The following GTF2F2 variants were observed in gnomAD, a reference collection of about 807,000 sequenced individuals.
GTF2F2 encodes general transcription factor IIF subunit 2, also known as ATP-dependent helicase GTF2F2.
In GTF2F2, 23 loss-of-function variants were observed where a neutral mutation model predicts 42.2. The ratio of observed to expected loss-of-function variants is 0.55; its 90% confidence interval spans 0.39 to 0.77. The LOEUF (loss-of-function observed/expected upper bound fraction) is 0.77. Ranked by LOEUF, GTF2F2 falls within the 30% of genes least tolerant of loss-of-function variation. GTF2F2 has a pLI of 0.00. For missense variants in GTF2F2, 261 were observed against 287.2 expected (o/e 0.91, Z 0.66); for synonymous variants, 105 against 100.8 (o/e 1.04, Z -0.25).
intron 4 of GTF2F2, among the ~76,000 whole-genome samples, chr13:45,191,220 A>ATATAT (rs1555267754): frequency 2.1e-4 from 16 of 75,210 alleles, no homozygotes; most frequent in African/African-American, 1.8e-3. Context: ...AAATACAAAA[A>ATATAT]AAAAATATAT....
chr13:45,258,141 A>G (rs1415192072), intron 6 of GTF2F2, among the ~76,000 whole-genome samples: 4 of 152,142 alleles, frequency 2.6e-5, no homozygotes, highest in Non-Finnish European at 4.4e-5. Context: ...CCAAAAAGGA[A>G]ATTATCAGTA....
At position 45,267,210 on chromosome 13, in the gene GTF2F2, T is replaced by C. The variant is rs374976881; in HGVS notation, c.487-23T>C. 218 of 1,593,000 alleles carry C rather than the reference T, an allele frequency of 1.4e-4. No individual in the cohort carries two copies. The African/African-American group carries it at 2.5e-3, about 19-fold the overall frequency. ...TGAGCATGTTGAATTGATGCTTTTA[T>C]TTCCTTTGCTGTTTGCATATAGATC... On this transcript the variant is annotated intron_variant, in intron 6 of 7. Transcript: ENST00000340473.
intron 6 of GTF2F2, among the ~76,000 whole-genome samples, chr13:45,254,301 C>CTA (rs1040838492): frequency 5.3e-5 from 8 of 152,106 alleles, no homozygotes; most frequent in Non-Finnish European, 1.2e-4. Flanking sequence ...GAGTTTGGTA[C>CTA]TATCCACAAT....
intron 6 of GTF2F2, among the ~76,000 whole-genome samples, chr13:45,266,045 G>T (rs1012633825): frequency 6.6e-5 from 10 of 152,218 alleles, no homozygotes; most frequent in Non-Finnish European, 8.8e-5. Flanking sequence ...AGTAAAAAGG[G>T]TGATGTTTTA....
intron 5 of GTF2F2, among the ~76,000 whole-genome samples, chr13:45,236,652 G>A (rs1463429043): frequency 6.6e-6 from 1 of 152,058 alleles, no homozygotes; most frequent in Non-Finnish European, 1.5e-5. Flanking sequence ...CTATTTGACT[G>A]TTGAGGTAAA....
At chr13:45,246,045 G>C (rs969411489) in intron 5 of GTF2F2, among the ~76,000 whole-genome samples, 21 of 146,288 alleles carry the variant, frequency 1.4e-4, no homozygotes, top group Non-Finnish European at 2.8e-4. Context: ...AGCTCGCTCT[G>C]TCGCCCAGGC....
At chr13:45,177,793 G>T (rs945293383) in intron 4 of GTF2F2, among the ~76,000 whole-genome samples, 1 of 152,110 alleles carries the variant, frequency 6.6e-6, no homozygotes, top group Non-Finnish European at 1.5e-5. Context: ...TCTTTCATTC[G>T]TAAAATTGTG....
chr13:45,204,338 C>G (rs1274946059), intron 4 of GTF2F2, among the ~76,000 whole-genome samples: 1 of 152,112 alleles, frequency 6.6e-6, no homozygotes, highest in East Asian at 1.9e-4. Context: ...TTTGTTATTC[C>G]TGATGTGCTC....
At chr13:45,131,283 G>A (rs1054385158) in intron 1 of GTF2F2, among the ~76,000 whole-genome samples, 1 of 152,040 alleles carries the variant, frequency 6.6e-6, no homozygotes, top group Non-Finnish European at 1.5e-5. Context: ...GAAGTTAAGG[G>A]GCCAGAAAGA....
rs575857226 is a variant in GTF2F2 at position 45,147,734 on chromosome 13, C to T, written c.141-2036C>T. 5.9e-5 allele frequency among the ~76,000 whole-genome samples: 9 copies of T among 152,278 alleles called. No individual in the cohort carries two copies. The South Asian group carries it at 1.9e-3, about 32-fold the overall frequency. On this transcript the variant is annotated intron_variant, in intron 2 of 7. Transcript: ENST00000340473. The stretch of plus-strand genomic sequence containing the variant: ...AAAAATCTGGAATCCTTAGTCTGTC[C>T]TAAGTGATTCTTTACCATTTGACTC...
chr13:45,227,930 A>T (rs1383644533), intron 5 of GTF2F2, among the ~76,000 whole-genome samples: 6 of 152,182 alleles, frequency 3.9e-5, no homozygotes, highest in Non-Finnish European at 8.8e-5. Flanking sequence ...AAGAAGGGGG[A>T]CTGAAGGCTA....
intron 4 of GTF2F2, among the ~76,000 whole-genome samples, chr13:45,189,183 G>A (rs1266556081): frequency 6.6e-6 from 1 of 152,042 alleles, no homozygotes; most frequent in East Asian, 1.9e-4. Flanking sequence ...ATATTTTGCC[G>A]AGAATGATGG....
rs1876874586 is a variant in GTF2F2, at chr13:45,273,150, A to C, written c.630+5774A>C. On this transcript the variant is annotated intron_variant, in intron 7 of 7. Coordinates refer to ENST00000340473, the MANE Select transcript of GTF2F2 (RefSeq NM_004128.3). ...ACCATCTTGGCCAGGCTGGTCCTGA[A>C]CTCCTGACCTCATGATCCACCCGCC... is the stretch of plus-strand genomic sequence containing the variant. 2.7e-5 allele frequency among the ~76,000 whole-genome samples: 4 copies of C among 149,064 alleles called. No homozygotes were observed. In the South Asian group the frequency reaches 6.4e-4, roughly 24 times the overall value.
intron 7 of GTF2F2, among the ~76,000 whole-genome samples, chr13:45,277,813 A>G (rs1877098636): frequency 6.6e-6 from 1 of 152,214 alleles, no homozygotes; most frequent in African/African-American, 2.4e-5. Context: ...TATAAAAAGC[A>G]TATAGTGCAT....
chr13:45,192,020 C>CA (rs1365493743), intron 4 of GTF2F2, among the ~76,000 whole-genome samples: 1 of 152,066 alleles, frequency 6.6e-6, no homozygotes, highest in African/African-American at 2.4e-5. Context: ...GACAGTAAAT[C>CA]ACTACCTTTT....
At chr13:45,245,498 C>G (rs1394961489) in intron 5 of GTF2F2, among the ~76,000 whole-genome samples, 1 of 151,912 alleles carries the variant, frequency 6.6e-6, no homozygotes, top group Non-Finnish European at 1.5e-5. Flanking sequence ...TTGTATCATT[C>G]TCATGCGTTT....
rs540273703 is a variant in GTF2F2, at chr13:45,126,277, A to T, written c.66+5556A>T. ...TTTTTTTTTTTTTTTTTTGAGATGG[A>T]GTTTCGTTCTGTTGCCCAGTCTGGA... On this transcript the variant is annotated intron_variant, in intron 1 of 7. Transcript: ENST00000340473. Among the ~76,000 whole-genome samples the T allele has an allele frequency of 4.2e-4, 38 of 91,126 alleles. No homozygotes were observed. In the South Asian group the frequency reaches 6.6e-3, roughly 16 times the overall value. 59.8% of individuals were successfully genotyped at this position (91,126 alleles called of 152,430 possible).
intron 4 of GTF2F2, chr13:45,194,783 A>G (rs567650112): frequency 1.2e-4 from 65 of 560,448 alleles, no homozygotes; most frequent in Admixed American, 4.3e-4. Flanking sequence ...GAGAATTTGC[A>G]TTTAACTGTA....
intron 4 of GTF2F2, among the ~76,000 whole-genome samples, chr13:45,165,026 G>A (rs928252512): frequency 6.6e-6 from 1 of 152,024 alleles, no homozygotes. Context: ...ATCTTGTTAC[G>A]CTATAGCTGC....
Sources: gnomAD v4.1 joint callset for allele counts (sites outside exome capture counted in the v4.1 genomes callset) on GRCh38, gnomAD v4.1.1 for gene constraint, MANE v1.5 for transcripts, NCBI Gene and HGNC (gene_info 2026-07-23, HGNC 2026-07-21) for gene names.